Variants in CAPRIN2 observed in about 807,000 individuals in gnomAD.
CAPRIN2 encodes the protein caprin-2.
CAPRIN2 carries 66 observed loss-of-function variants against 130.4 expected under a neutral mutation model. The ratio of observed to expected loss-of-function variants is 0.51; its 90% confidence interval spans 0.42 to 0.62. CAPRIN2 has a LOEUF of 0.62. Among genes scored for constraint, CAPRIN2 ranks in the 20% least tolerant of loss-of-function variants. The pLI, the probability that CAPRIN2 is intolerant of heterozygous loss-of-function variation, is 0.00. For synonymous variants in CAPRIN2, 471 were observed against 444.1 expected, an observed-to-expected ratio of 1.06 and a Z score of -0.76; for missense variants, 1,185 against 1,246.6, an observed-to-expected ratio of 0.95 and a Z score of 0.74.
intron 15 of CAPRIN2, among the ~76,000 whole-genome samples, chr12:30,713,320 T>C (rs1863896): frequency 0.99 from 150,818 of 152,290 alleles, 74,687 homozygotes; most frequent in Middle Eastern, 1. Context: ...CAAGTAAGTA[T>C]AAACAACAAC....
exon 4 of CAPRIN2, chr12:30,735,110 C>T (rs1401708999): frequency 1.2e-6 from 2 of 1,614,004 alleles, no homozygotes; most frequent in Non-Finnish European, 1.7e-6. Context: ...TTCTGCAATA[C>T]ATACTGAACT....
At chr12:30,737,886 C>T (rs1203394520) in intron 3 of CAPRIN2, among the ~76,000 whole-genome samples, 2 of 152,040 alleles carry the variant, frequency 1.3e-5, no homozygotes, top group African/African-American at 2.4e-5. Flanking sequence ...CGTGAGCCAC[C>T]GCGCCTGGCC....
At chr12:30,719,328 G>T in intron 12 of CAPRIN2, 103 bp from the exon 14 acceptor site, 1 of 1,278,216 alleles carries the variant, frequency 7.8e-7, no homozygotes, top group Non-Finnish European at 1.1e-6. Flanking sequence ...TCTTTAGGAT[G>T]ACATTTGGAC....
intron 4 of CAPRIN2, among the ~76,000 whole-genome samples, chr12:30,734,132 A>G (rs936280489): frequency 2.0e-5 from 3 of 152,220 alleles, no homozygotes; most frequent in Non-Finnish European, 4.4e-5. Context: ...GTGAAGCTAC[A>G]TTCCCTGAAC....
chr12:30,741,013 T>A lies in CAPRIN2; in HGVS notation c.570+7A>T, dbSNP rs527601094. ...GGTTTCAGGAAAAGCAAAGAAAACA[T>A]ACTCACATCTAGGCTCAACCCAGAA... On this transcript the variant is annotated splice_region_variant and intron_variant, in intron 3 of 16. Transcript: ENST00000298892. 6.3e-6 allele frequency: 10 copies of A among 1,579,472 alleles called. No homozygotes were observed. Among genetic ancestry groups the A allele is most frequent in the South Asian group, 4.5e-5 (4 of 87,942 alleles).
intron 12 of CAPRIN2, chr12:30,719,806 T>C (rs1370580347): frequency 6.6e-6 from 1 of 151,938 alleles, no homozygotes; most frequent in East Asian, 1.9e-4. Flanking sequence ...CAGCTGTGAG[T>C]TACTTGGTAA....
At chr12:30,733,821 ATT>A in intron 4 of CAPRIN2, 110 bp from the exon 6 acceptor site, 1 of 753,108 alleles carries the variant, frequency 1.3e-6, no homozygotes, top group Non-Finnish European at 2.3e-6. Flanking sequence ...TCAAATGTTA[ATT>A]TTGTCTTTTT....
chr12:30,736,193 G>A (rs1397600459), intron 3 of CAPRIN2, among the ~76,000 whole-genome samples: 1 of 151,246 alleles, frequency 6.6e-6, no homozygotes, highest in Non-Finnish European at 1.5e-5. Flanking sequence ...CATAGATTGA[G>A]CAGCCCTAGA....
At chr12:30,752,909 CA>C (rs2074678085) in intron 1 of CAPRIN2, among the ~76,000 whole-genome samples, 1 of 152,126 alleles carries the variant, frequency 6.6e-6, no homozygotes, top group Admixed American at 6.5e-5. Context: ...CACCTAACAC[CA>C]CAAAAGTAAG....
chr12:30,731,589 T>C (rs1300256494), intron 5 of CAPRIN2, 79 bp from the exon 7 acceptor site: 18 of 1,130,116 alleles, frequency 1.6e-5, no homozygotes, highest in Non-Finnish European at 2.3e-5. Context: ...AATTTTATCC[T>C]AGTTGTAGTA....
chr12:30,733,620 A>T lies in CAPRIN2; in HGVS notation c.892+9T>A. ...TTTACTGCATAAGTCCAGAGTAGAG[A>T]AAACTCACATGTCGTTCCTACCACT... On this transcript the variant is annotated intron_variant, in intron 5 of 16. Coordinates refer to ENST00000298892, the Ensembl canonical transcript of CAPRIN2. 1 of 1,596,916 alleles carries T rather than the reference A, an allele frequency of 6.3e-7. No homozygotes were observed. Among genetic ancestry groups the T allele is most frequent in the Non-Finnish European group, 8.6e-7 (1 of 1,164,524 alleles).
In CAPRIN2 at chr12:30,748,664, T is replaced by C. The variant is rs140916785; in HGVS notation, c.483+2407A>G. 6.3e-4 allele frequency among the ~76,000 whole-genome samples: 96 copies of C among 151,432 alleles called. 1 individual carries two copies. The East Asian group carries it at 0.018, about 29-fold the overall frequency. On this transcript the variant is annotated intron_variant, in intron 2 of 16. Transcript: ENST00000298892. ...TGGTAACAATTCTCTGAAGATTCTATTTTTTTTTCCTTCTGACTTATCTGC... is the reference window on the plus strand; with the variant it reads ...TGGTAACAATTCTCTGAAGATTCTACTTTTTTTTCCTTCTGACTTATCTGC...
At chr12:30,727,664 TGTTATCTACCTGAAACAG>T (rs1300096133) in intron 8 of CAPRIN2, among the ~76,000 whole-genome samples, 1 of 152,208 alleles carries the variant, frequency 6.6e-6, no homozygotes, top group African/African-American at 2.4e-5. Flanking sequence ...TCAATGTAAG[TGTTATCTACCTGAAACAG>T]GTTATTTATC....
intron 12 of CAPRIN2, among the ~76,000 whole-genome samples, chr12:30,717,002 G>T (rs1282538835): frequency 1.3e-5 from 2 of 152,168 alleles, no homozygotes; most frequent in African/African-American, 4.8e-5. Flanking sequence ...AATGCAAAAT[G>T]GTGCAGTCGC....
chr12:30,750,885 C>T (rs1163215610), intron 2 of CAPRIN2, among the ~76,000 whole-genome samples, 186 bp downstream of exon 3: 4 of 152,166 alleles, frequency 2.6e-5, no homozygotes, highest in African/African-American at 9.7e-5. Context: ...TTCTAGTCAA[C>T]AGAACAAAAA....
chr12:30,723,605 T>C (rs905671346), intron 10 of CAPRIN2, among the ~76,000 whole-genome samples: 1 of 152,164 alleles, frequency 6.6e-6, no homozygotes, highest in African/African-American at 2.4e-5. Flanking sequence ...TAACTGATAA[T>C]AGTGACCAGG....
exon 6 of CAPRIN2, chr12:30,731,484 T>C: frequency 3.7e-6 from 6 of 1,613,020 alleles, no homozygotes; most frequent in Non-Finnish European, 5.1e-6. Flanking sequence ...TTCAGCAATT[T>C]AGACAGTAGA....
intron 12 of CAPRIN2, 47 bp from the exon 15 acceptor site, chr12:30,716,723 A>C: frequency 6.3e-7 from 1 of 1,579,328 alleles, no homozygotes; most frequent in South Asian, 1.1e-5. Flanking sequence ...TTTCAAAGAA[A>C]ATGCTTAAGG....
chr12:30,753,727 C>T (rs1279171030), exon 1 of CAPRIN2: 1 of 1,613,080 alleles, frequency 6.2e-7, no homozygotes, highest in South Asian at 1.1e-5. Flanking sequence ...GAAGTGAGCT[C>T]GAAACCCAAT....
Sources: allele counts gnomAD v4.1 joint callset (sites outside exome capture counted in the v4.1 genomes callset), GRCh38; gene constraint gnomAD v4.1.1; transcripts MANE v1.5; gene names NCBI Gene and HGNC (gene_info 2026-07-23, HGNC 2026-07-21).